PTPRT: variants seen among roughly 807,000 people sequenced by gnomAD.
The protein encoded by PTPRT is protein tyrosine phosphatase receptor type T, also known as receptor-type tyrosine-protein phosphatase T.
PTPRT carries 56 observed loss-of-function variants against 176.8 expected under a neutral mutation model. The ratio of observed to expected loss-of-function variants is 0.32; its 90% CI spans 0.26 to 0.40. The LOEUF (loss-of-function observed/expected upper bound fraction) is 0.40. Ranked by LOEUF, PTPRT falls within the 10% of genes least tolerant of loss-of-function variation. PTPRT has a pLI of 1.00. For synonymous variants in PTPRT, 783 were observed against 739.0 expected (o/e 1.06, Z -0.96); for missense variants, 1,540 against 1,908.2 (o/e 0.81, Z 3.60).
chr20:43,075,933 T>C (rs1250364353), intron 1 of PTPRT, among the ~76,000 whole-genome samples: 1 of 152,176 alleles, frequency 6.6e-6, no homozygotes, highest in Non-Finnish European at 1.5e-5. Context: ...TCGAAACCTC[T>C]TTTTTGCTTG....
intron 29 of PTPRT, among the ~76,000 whole-genome samples, chr20:42,083,046 C>T (rs548488382): frequency 7.0e-6 from 1 of 142,594 alleles, no homozygotes; most frequent in East Asian, 2.1e-4. Context: ...AAAAGAATGC[C>T]CCTGTACCTT....
At chr20:42,137,159 T>C (rs1988417887) in intron 18 of PTPRT, among the ~76,000 whole-genome samples, 1 of 152,164 alleles carries the variant, frequency 6.6e-6, no homozygotes, top group Admixed American at 6.5e-5. Flanking sequence ...AGGGTACCAA[T>C]GGTTTCTGCA....
At chr20:42,645,092 G>A (rs553160119) in intron 7 of PTPRT, among the ~76,000 whole-genome samples, 7 of 152,284 alleles carry the variant, frequency 4.6e-5, no homozygotes, top group Admixed American at 4.6e-4. Flanking sequence ...TGGCACTGTA[G>A]AATTTGGCTA....
intron 7 of PTPRT, 95 bp downstream of exon 7, chr20:42,677,771 T>C: frequency 1.4e-6 from 2 of 1,383,580 alleles, no homozygotes. Flanking sequence ...TCAAAGAAAA[T>C]TCGGAATTAT....
At chr20:42,791,107 C>A in intron 3 of PTPRT, 88 bp downstream of exon 3, 2 of 1,463,316 alleles carry the variant, frequency 1.4e-6, no homozygotes, top group South Asian at 1.4e-5. Flanking sequence ...AAATGAAGTC[C>A]TTTCTAGACC....
intron 1 of PTPRT, among the ~76,000 whole-genome samples, chr20:43,085,937 G>A (rs1264927222): frequency 6.6e-6 from 1 of 152,060 alleles, no homozygotes; most frequent in African/African-American, 2.4e-5. Context: ...GTAGGAGTTT[G>A]GAAAAGAGTT....
chr20:42,397,850 G>A (rs2425490), intron 9 of PTPRT, among the ~76,000 whole-genome samples: 2 of 152,134 alleles, frequency 1.3e-5, no homozygotes, highest in African/African-American at 4.8e-5. Context: ...CTCTTGGTTC[G>A]TTGAGAAATC....
At chr20:42,350,497 C>T (rs2058267194) in intron 11 of PTPRT, 131 bp downstream of exon 11, 6 of 780,194 alleles carry the variant, frequency 7.7e-6, no homozygotes, top group East Asian at 5.1e-5. Context: ...GGCTGCTGAC[C>T]TCCTTCCTCC....
chr20:42,204,497 A>G (rs1432118035), intron 15 of PTPRT, among the ~76,000 whole-genome samples: 2 of 152,232 alleles, frequency 1.3e-5, no homozygotes, highest in African/African-American at 4.8e-5. Context: ...AAAAGAGAGT[A>G]TGCATAAGTC....
rs144244064 is a variant in PTPRT at position 42,082,004 on chromosome 20, G to A, written c.4150C>T (p.Arg1384Cys). The change falls in exon 30 of 31, where the codon CGT (arginine) becomes TGT (cysteine). Residue 1384 changes from arginine to cysteine, a missense_variant. Transcript: ENST00000373187. ...CAGATGGCACAGAAGGTTCCACTACGGCCTCCCCCATTTCTAAACACAGAG... is the reference window on the plus strand; with the variant it reads ...CAGATGGCACAGAAGGTTCCACTACAGCCTCCCCCATTTCTAAACACAGAG... ...TVVHCLNGGG[R>C]SGTFCAICSV... The A allele has an allele frequency of 2.7e-5, 44 of 1,614,054 alleles. No homozygotes were observed. The highest frequency in any genetic ancestry group is 1.6e-4 in the Middle Eastern group (1 of 6,076).
rs1452058909 is a variant in PTPRT, at chr20:42,740,075, T to C, written c.859+16387A>G. Among the ~76,000 whole-genome samples, 3 of 152,188 alleles carry C rather than the reference T, an allele frequency of 2.0e-5. No homozygotes were observed. In the East Asian group the frequency reaches 5.8e-4, roughly 29 times the overall value. On this transcript the variant is annotated intron_variant, in intron 6 of 30. Coordinates refer to ENST00000373187, the MANE Select transcript of PTPRT (RefSeq NM_007050.6). ...ATCGGACGCTCAACCCTGTCAGGGA[T>C]AGGCAGAATCCTTCCCTGGGACTGG... is the stretch of plus-strand genomic sequence containing the variant.
chr20:43,130,612 T>C (rs190929375), intron 1 of PTPRT, among the ~76,000 whole-genome samples: 12 of 151,280 alleles, frequency 7.9e-5, no homozygotes, highest in East Asian at 5.8e-4. Context: ...TGAAAAAAAA[T>C]TGGGGTGGAG....
chr20:43,136,999 A>C (rs2013852828), intron 1 of PTPRT, among the ~76,000 whole-genome samples: 1 of 152,176 alleles, frequency 6.6e-6, no homozygotes, highest in African/African-American at 2.4e-5. Flanking sequence ...TGGCAGGAGA[A>C]CTAATGCCAG....
intron 7 of PTPRT, among the ~76,000 whole-genome samples, chr20:42,569,624 C>G (rs2073119585): frequency 6.6e-6 from 1 of 152,112 alleles, no homozygotes; most frequent in Admixed American, 6.5e-5. Flanking sequence ...TCTGAGAGCA[C>G]CCAGGGAGGC....
intron 16 of PTPRT, among the ~76,000 whole-genome samples, chr20:42,187,041 T>C (rs1029304341): frequency 1.3e-5 from 2 of 152,160 alleles, no homozygotes; most frequent in Non-Finnish European, 2.9e-5. Flanking sequence ...TCAACTCATA[T>C]GATTGGTAAG....
At chr20:42,771,022 A>C (rs752917963) in intron 5 of PTPRT, among the ~76,000 whole-genome samples, 3 of 152,196 alleles carry the variant, frequency 2.0e-5, no homozygotes, top group Admixed American at 6.5e-5. Context: ...ATCATAGCAC[A>C]CACTTTCTTC....
chr20:42,151,859 T>C (rs1989146555), intron 17 of PTPRT, among the ~76,000 whole-genome samples: 1 of 152,226 alleles, frequency 6.6e-6, no homozygotes, highest in South Asian at 2.1e-4. Context: ...GTTTTAAAAC[T>C]GGGACCGTTT....
chr20:42,817,274 C>A (rs761648049), intron 2 of PTPRT, among the ~76,000 whole-genome samples: 2 of 151,128 alleles, frequency 1.3e-5, no homozygotes, highest in East Asian at 3.9e-4. Context: ...CCTGTGAGGG[C>A]GGGATCTGAA....
At chr20:42,233,624 A>G (rs1428371238) in intron 15 of PTPRT, among the ~76,000 whole-genome samples, 2 of 152,146 alleles carry the variant, frequency 1.3e-5, no homozygotes, top group African/African-American at 2.4e-5. Flanking sequence ...ATCTATCACA[A>G]GTGCTTGGTG....
Sources: allele counts gnomAD v4.1 joint callset (sites outside exome capture counted in the v4.1 genomes callset), GRCh38; gene constraint gnomAD v4.1.1; transcripts MANE v1.5; gene names NCBI Gene and HGNC (gene_info 2026-07-23, HGNC 2026-07-21).